STK32A: variants seen among roughly 807,000 people sequenced by gnomAD.
STK32A encodes the protein serine/threonine kinase 32A.
STK32A carries 41 observed loss-of-function variants against 53.2 expected under a neutral mutation model. The observed-to-expected ratio is 0.77, with a 90% CI of 0.60 to 1.00. STK32A has a LOEUF of 1.00. Ranked by LOEUF, STK32A falls within the 50% of genes least tolerant of loss-of-function variation. STK32A has a pLI of 0.00. For synonymous variants in STK32A, 166 were observed against 162.8 expected, an observed-to-expected ratio of 1.02 and a Z score of -0.15; for missense variants, 458 against 485.8, an observed-to-expected ratio of 0.94 and a Z score of 0.54.
chr5:147,394,178 G>T, the STK32A span: 1 of 1,573,586 alleles, frequency 6.4e-7, no homozygotes, highest in South Asian at 1.1e-5. Flanking sequence ...GGCGGGTAGG[G>T]GGATGTGGGC....
intron 6 of STK32A, among the ~76,000 whole-genome samples, chr5:147,350,253 C>T (rs1755903663): frequency 7.2e-6 from 1 of 138,024 alleles, no homozygotes; most frequent in Non-Finnish European, 1.5e-5. Context: ...AAAATATGTA[C>T]AAAAATATTT....
chr5:147,350,102 T>A (rs1270410960), intron 6 of STK32A, among the ~76,000 whole-genome samples: 3 of 148,472 alleles, frequency 2.0e-5, no homozygotes, highest in Non-Finnish European at 4.5e-5. Context: ...AGAGTGAGAC[T>A]CCACTTCAAA....
At chr5:147,308,160 ATATGTG>A in intron 4 of STK32A, among the ~76,000 whole-genome samples, 1 of 82,794 alleles carries the variant, frequency 1.2e-5, no homozygotes, top group Non-Finnish European at 2.7e-5. Flanking sequence ...ATATATATAT[ATATGTG>A]TGTACATGCA....
In STK32A at chr5:147,381,047, A is replaced by G. The variant is rs1001082844; in HGVS notation, c.1033-2394A>G. On this transcript the variant is annotated intron_variant, in intron 11 of 12. Transcript: ENST00000397936. Reference sequence around the variant, plus strand: ...TCAAGTTACTGTCTCGTGTCCTTTCATTTCACCTTGCAGGACTCCTTTGAG... The same window carrying G: ...TCAAGTTACTGTCTCGTGTCCTTTCGTTTCACCTTGCAGGACTCCTTTGAG... Among the ~76,000 whole-genome samples the G allele has an allele frequency of 7.9e-5, 12 of 152,088 alleles. No homozygotes were observed. In the East Asian group the frequency reaches 2.1e-3, roughly 27 times the overall value.
the STK32A span, among the ~76,000 whole-genome samples, chr5:147,394,926 T>C: frequency 3.3e-5 from 5 of 152,336 alleles, no homozygotes; most frequent in East Asian, 9.7e-4. Flanking sequence ...AATTATTCAT[T>C]ATAGGAATGC....
chr5:147,392,586 A>G (rs931334957), downstream of STK32A: 1 of 152,248 alleles, frequency 6.6e-6, no homozygotes, highest in Non-Finnish European at 1.5e-5. Context: ...ATAGATTCTT[A>G]TCTTGCTCAC....
At chr5:147,285,927 C>A (rs916554438) in intron 4 of STK32A, among the ~76,000 whole-genome samples, 8 of 152,142 alleles carry the variant, frequency 5.3e-5, no homozygotes, top group African/African-American at 1.9e-4. Flanking sequence ...TTTGATCCAG[C>A]AATCCCTCTA....
intron 4 of STK32A, among the ~76,000 whole-genome samples, chr5:147,319,139 C>CTTTT (rs146817721): frequency 9.9e-6 from 1 of 100,560 alleles, no homozygotes; most frequent in Admixed American, 1.1e-4. Flanking sequence ...ACAACTGGTA[C>CTTTT]TTTTTTTTTT....
At chr5:147,313,257 C>G (rs761801788) in intron 4 of STK32A, among the ~76,000 whole-genome samples, 14 of 151,816 alleles carry the variant, frequency 9.2e-5, no homozygotes, top group Middle Eastern at 3.2e-3. Context: ...AAAATAACAA[C>G]AACAACAAAC....
At chr5:147,390,217 C>G (rs1757763367), downstream of STK32A, among the ~76,000 whole-genome samples, 1 of 152,032 alleles carries the variant, frequency 6.6e-6, no homozygotes, top group Non-Finnish European at 1.5e-5. Flanking sequence ...GCTTGAGAAC[C>G]CTGAATTAGG....
intron 8 of STK32A, among the ~76,000 whole-genome samples, chr5:147,370,453 C>T (rs1187267291): frequency 1.3e-5 from 2 of 152,048 alleles, no homozygotes; most frequent in Non-Finnish European, 2.9e-5. Flanking sequence ...ACCATAAATT[C>T]CTAGTGTCTC....
At chr5:147,259,955 TC>T (rs1754436560) in intron 2 of STK32A, among the ~76,000 whole-genome samples, 1 of 143,548 alleles carries the variant, frequency 7.0e-6, no homozygotes, top group African/African-American at 2.7e-5. Context: ...CTCTCTCCTC[TC>T]TGTCTCTCTC....
At chr5:147,393,808 G>T in the STK32A span, 1 of 552,158 alleles carries the variant, frequency 1.8e-6, no homozygotes. Flanking sequence ...CATGTAAATG[G>T]GGGGAGGGGA....
At chr5:147,372,280 T>C (rs927531013) in intron 9 of STK32A, among the ~76,000 whole-genome samples, 16 of 140,278 alleles carry the variant, frequency 1.1e-4, no homozygotes, top group Non-Finnish European at 1.1e-4. Context: ...TTTTTTTTTT[T>C]TTTTTTTTTT....
chr5:147,285,771 T>TA (rs60689790), intron 4 of STK32A, among the ~76,000 whole-genome samples: 13,833 of 151,660 alleles, frequency 0.091, 655 homozygotes, highest in Middle Eastern at 0.13. Context: ...ATGGTTATAA[T>TA]AAAAAAAAAA....
intron 5 of STK32A, among the ~76,000 whole-genome samples, chr5:147,336,163 C>T (rs1239307080): frequency 2.0e-5 from 3 of 152,016 alleles, no homozygotes; most frequent in Non-Finnish European, 4.4e-5. Context: ...TATATGTACC[C>T]ATATATATAC....
intron 2 of STK32A, among the ~76,000 whole-genome samples, chr5:147,241,946 T>G (rs763653968): frequency 3.3e-5 from 5 of 152,180 alleles, no homozygotes; most frequent in Non-Finnish European, 4.4e-5. Flanking sequence ...AATGCATAAC[T>G]CTTCCTTGAT....
intron 4 of STK32A, among the ~76,000 whole-genome samples, chr5:147,280,216 C>T (rs1189736566): frequency 6.6e-6 from 1 of 152,060 alleles, no homozygotes; most frequent in Non-Finnish European, 1.5e-5. Flanking sequence ...TCTAGCTGAA[C>T]TTGGTGACAA....
intron 2 of STK32A, among the ~76,000 whole-genome samples, chr5:147,250,725 A>G (rs1206276029): frequency 6.6e-6 from 1 of 152,092 alleles, no homozygotes; most frequent in Non-Finnish European, 1.5e-5. Flanking sequence ...GCAGATCACA[A>G]GGTCAGGAGA....
Sources: gnomAD v4.1 joint callset for allele counts (sites outside exome capture counted in the v4.1 genomes callset) on GRCh38, gnomAD v4.1.1 for gene constraint, MANE v1.5 for transcripts, NCBI Gene and HGNC (gene_info 2026-07-23, HGNC 2026-07-21) for gene names.